The following USP34 variants were observed in gnomAD, a reference collection of about 807,000 sequenced individuals.
The protein encoded by USP34 is ubiquitin specific peptidase 34, also known as ubiquitin carboxyl-terminal hydrolase 34.
In USP34, 70 loss-of-function variants were observed where a neutral mutation model predicts 460.3. That is an observed-to-expected ratio of 0.15 (90% confidence interval 0.13 to 0.19). USP34 has a LOEUF of 0.19. Among genes scored for constraint, USP34 ranks in the 10% least tolerant of loss-of-function variants. The pLI is 1.00. For missense variants in USP34, 3,985 were observed against 4,236.2 expected (o/e 0.94, Z 1.65); for synonymous variants, 1,647 against 1,405.3 (o/e 1.17, Z -3.85).
intron 70 of USP34, chr2:61,207,820 G>A (rs1247759076): frequency 1.3e-5 from 2 of 151,348 alleles, no homozygotes; most frequent in Admixed American, 1.3e-4. Context: ...CTTTGCCTCA[G>A]TGCTTATTGT....
At chr2:61,463,283 G>A (rs1041973827) in intron 1 of USP34, among the ~76,000 whole-genome samples, 4 of 151,298 alleles carry the variant, frequency 2.6e-5, no homozygotes, top group Admixed American at 2.0e-4. Context: ...AGCTATAATT[G>A]GGCCACTGCA....
At chr2:61,454,926 G>A (rs1204507673) in intron 1 of USP34, among the ~76,000 whole-genome samples, 3 of 139,456 alleles carry the variant, frequency 2.2e-5, no homozygotes, top group Non-Finnish European at 4.5e-5. Context: ...CGCCCAGACT[G>A]GATGGAGTGC....
At chr2:61,354,413 A>G (rs1321851633) in intron 10 of USP34, among the ~76,000 whole-genome samples, 1 of 152,236 alleles carries the variant, frequency 6.6e-6, no homozygotes, top group African/African-American at 2.4e-5. Context: ...TCCTTCAAAA[A>G]TTAGGGTTGA....
chr2:61,297,528 A>G (rs1690064636), intron 29 of USP34, among the ~76,000 whole-genome samples: 1 of 152,264 alleles, frequency 6.6e-6, no homozygotes, highest in Non-Finnish European at 1.5e-5. Flanking sequence ...AGGCAATTAA[A>G]CAAAAATTTA....
intron 1 of USP34, among the ~76,000 whole-genome samples, chr2:61,427,271 A>G (rs1231417840): frequency 2.0e-5 from 3 of 151,964 alleles, no homozygotes; most frequent in Non-Finnish European, 2.9e-5. Flanking sequence ...CTCGTGATCC[A>G]CCCGCCTTGG....
chr2:61,353,676 C>T (rs1391763418), intron 10 of USP34, among the ~76,000 whole-genome samples: 1 of 151,984 alleles, frequency 6.6e-6, no homozygotes, highest in Non-Finnish European at 1.5e-5. Context: ...AGTGATCCAC[C>T]TGCCTCGGCC....
At chr2:61,205,842 A>C (rs544636554) in intron 72 of USP34, among the ~76,000 whole-genome samples, 175 bp downstream of exon 72, 2 of 152,310 alleles carry the variant, frequency 1.3e-5, no homozygotes, top group East Asian at 3.9e-4. Context: ...TGGGTAATGT[A>C]ATTATGAGCC....
Position 61,429,877 on chromosome 2 carries a change from C to T in USP34, c.44-9044G>A, listed in dbSNP as rs182098185. ...AGGAGTTCGAGACCAGTCTGGCCAA[C>T]ATGGTGACACCCTGTCTCCACTAAA... On this transcript the variant is annotated intron_variant, in intron 1 of 79. Transcript: ENST00000398571. Among the ~76,000 whole-genome samples the T allele has an allele frequency of 3.9e-5, 6 of 152,092 alleles. No individual in the cohort carries two copies. The East Asian group carries it at 1.2e-3, about 29-fold the overall frequency.
intron 1 of USP34, among the ~76,000 whole-genome samples, chr2:61,442,569 C>G (rs1694996170): frequency 6.6e-6 from 1 of 151,950 alleles, no homozygotes; most frequent in Non-Finnish European, 1.5e-5. Context: ...AGTATCTTAC[C>G]CCAGTTAGGA....
chr2:61,287,317 T>G (rs1689719814), intron 34 of USP34, among the ~76,000 whole-genome samples: 1 of 152,186 alleles, frequency 6.6e-6, no homozygotes, highest in Non-Finnish European at 1.5e-5. Context: ...AAATGAGATC[T>G]CCCTAAAATC....
At chr2:61,210,838 G>C (rs1303166024) in intron 69 of USP34, among the ~76,000 whole-genome samples, 1 of 152,036 alleles carries the variant, frequency 6.6e-6, no homozygotes, top group African/African-American at 2.4e-5. Flanking sequence ...AGCCCCCCGA[G>C]GAGCTGGGAC....
rs1479128662 is a variant in USP34, at chr2:61,192,966, A to T, written c.9523T>A (p.Tyr3175Asn). Reference sequence around the variant, plus strand: ...GCAAGATGAAGTGGCAAACCTTCATAGGCAACTAGGACACCTAATATTTGA... The same window carrying T: ...GCAAGATGAAGTGGCAAACCTTCATTGGCAACTAGGACACCTAATATTTGA... ...TLVKLSVLVA[Y>N]EGLPLHLALF... The change falls in exon 76 of 80, where the codon TAT (tyrosine) becomes AAT (asparagine). Residue 3175 changes from tyrosine to asparagine, a missense_variant. Around this residue, in one of 14 missense-constraint regions of USP34, gnomAD observed 506 missense variants for 439.0 expected, o/e 1.15. Transcript: ENST00000398571. 1.2e-6 allele frequency: 2 copies of T among 1,613,630 alleles called. No individual in the cohort carries two copies. Among genetic ancestry groups the T allele is most frequent in the Non-Finnish European group, 8.5e-7 (1 of 1,179,716 alleles).
At chr2:61,242,636 G>A (rs1283921639) in intron 51 of USP34, among the ~76,000 whole-genome samples, 1 of 152,078 alleles carries the variant, frequency 6.6e-6, no homozygotes, top group Non-Finnish European at 1.5e-5. Flanking sequence ...GTGAACATAT[G>A]GCATATTACG....
At chr2:61,309,286 A>G (rs951755411) in intron 27 of USP34, among the ~76,000 whole-genome samples, 3 of 152,230 alleles carry the variant, frequency 2.0e-5, no homozygotes, top group Non-Finnish European at 2.9e-5. Flanking sequence ...ACAAGAAACC[A>G]CTGAATAGAA....
intron 62 of USP34, 99 bp from the exon 63 acceptor site, chr2:61,223,395 G>A: frequency 8.6e-7 from 1 of 1,161,264 alleles, no homozygotes; most frequent in Non-Finnish European, 1.2e-6. Flanking sequence ...AATTATAATT[G>A]TATTAACCTG....
chr2:61,322,739 A>G (rs1008069266), intron 21 of USP34, among the ~76,000 whole-genome samples: 1 of 152,254 alleles, frequency 6.6e-6, no homozygotes, highest in Non-Finnish European at 1.5e-5. Context: ...TTTCTCACTG[A>G]AACAGTTAAT....
rs961613651 is a variant in USP34 at position 61,266,016 on chromosome 2, A to G, written c.5585T>C (p.Ile1862Thr). ...GTGTTGTGCCATAACCCAGTTGTGT[A>G]TTAGCCTGTAGTTCTCAACAGACCC... ...VKGSVENYRL[I>T]HNWVMAQHMQ... Residue 1862 changes from isoleucine to threonine, a missense_variant, in exon 42 of 80, where the codon ATA becomes ACA. By Grantham distance (89) the Ile-to-Thr change is moderately conservative. Transcript: ENST00000398571. 9.9e-6 allele frequency: 16 copies of G among 1,612,640 alleles called. No homozygotes were observed. Among genetic ancestry groups the G allele is most frequent in the African/African-American group, 1.3e-5 (1 of 75,044 alleles).
At chr2:61,451,326 T>C (rs1437963609) in intron 1 of USP34, among the ~76,000 whole-genome samples, 1 of 149,508 alleles carries the variant, frequency 6.7e-6, no homozygotes, top group South Asian at 2.1e-4. Flanking sequence ...AAATTAAAAC[T>C]AGATGATGAA....
At chr2:61,316,778 C>T (rs1029676895) in intron 23 of USP34, among the ~76,000 whole-genome samples, 2 of 151,626 alleles carry the variant, frequency 1.3e-5, no homozygotes, top group African/African-American at 2.4e-5. Flanking sequence ...CCAGATACTT[C>T]GGGAAGCTGA....
Sources: gnomAD v4.1 joint callset for allele counts (sites outside exome capture counted in the v4.1 genomes callset) on GRCh38, gnomAD v4.1.1 for gene constraint, gnomAD v4.1.1 regional missense constraint, MANE v1.5 for transcripts, NCBI Gene and HGNC (gene_info 2026-07-23, HGNC 2026-07-21) for gene names.